Variants in PLIN2 observed in about 807,000 individuals in gnomAD.
PLIN2 encodes the protein perilipin 2.
PLIN2 carries 33 observed loss-of-function variants against 30.6 expected under a neutral mutation model. That is an observed-to-expected ratio of 1.08 (90% CI 0.82 to 1.44). PLIN2 has a LOEUF of 1.44. PLIN2 is among the 40% of genes most tolerant of loss of function. The probability of loss-of-function intolerance (pLI) is 0.00; values close to 1 mark genes in which losing one functional copy is unlikely to be tolerated. For synonymous variants in PLIN2, 205 were observed against 201.1 expected (o/e 1.02, Z -0.16); for missense variants, 610 against 531.8 (o/e 1.15, Z -1.45).
intron 2 of PLIN2, among the ~76,000 whole-genome samples, chr9:19,110,506 C>T (rs539421370): frequency 2.7e-4 from 41 of 152,212 alleles, no homozygotes; most frequent in Middle Eastern, 3.4e-3. Flanking sequence ...GAGATGGAGT[C>T]TCATTGTCAC....
chr9:19,121,857 A>T (rs1818322789), intron 4 of PLIN2, among the ~76,000 whole-genome samples: 1 of 152,166 alleles, frequency 6.6e-6, no homozygotes, highest in African/African-American at 2.4e-5. Flanking sequence ...CTTGAACCCC[A>T]GAGGTGGAGG....
chr9:19,109,900 G>A (rs977335455), intron 2 of PLIN2, among the ~76,000 whole-genome samples: 3 of 151,340 alleles, frequency 2.0e-5, no homozygotes, highest in Non-Finnish European at 4.4e-5. Flanking sequence ...AGGTTGCAGT[G>A]AGCCAAGATT....
intron 4 of PLIN2, 44 bp from the exon 5 acceptor site, chr9:19,121,209 G>C (rs1366641563): frequency 6.4e-7 from 1 of 1,573,146 alleles, no homozygotes; most frequent in Admixed American, 1.7e-5. Flanking sequence ...AGAAAAATGA[G>C]CACAAGGACA....
In PLIN2 at chr9:19,123,927, G is replaced by A. The variant is rs886948088; in HGVS notation, c.227-280C>T. 5.3e-5 allele frequency among the ~76,000 whole-genome samples: 8 copies of A among 151,308 alleles called. No individual in the cohort carries two copies. In the East Asian group the frequency reaches 1.4e-3, roughly 26 times the overall value. On this transcript the variant is annotated intron_variant, in intron 3 of 7. Coordinates refer to ENST00000276914, the MANE Select transcript of PLIN2 (RefSeq NM_001122.4). ...CCAGCTACTCAGGAGGCTGAGGCAG[G>A]AGAATCGCTTGAACTCAGGAAGCAG... is the stretch of plus-strand genomic sequence containing the variant.
downstream of PLIN2, among the ~76,000 whole-genome samples, chr9:19,115,111 AG>A (rs1408702186): frequency 1.3e-5 from 2 of 152,142 alleles, no homozygotes; most frequent in African/African-American, 4.8e-5. Context: ...ATTCCTTTTC[AG>A]TGAGGTAGTC....
intron 5 of PLIN2, among the ~76,000 whole-genome samples, chr9:19,120,647 T>A (rs962840519): frequency 5.9e-5 from 9 of 151,998 alleles, no homozygotes; most frequent in Non-Finnish European, 1.2e-4. Flanking sequence ...GAGTTCGAGA[T>A]CAGCCTGGGC....
downstream of PLIN2, among the ~76,000 whole-genome samples, chr9:19,112,102 A>C (rs1209997900): frequency 1.3e-5 from 2 of 152,218 alleles, no homozygotes; most frequent in Non-Finnish European, 2.9e-5. Context: ...CTGTTGAGGC[A>C]ACATTAACTT....
chr9:19,119,452 G>A lies in PLIN2; in HGVS notation c.777+198C>T, dbSNP rs1433845640. ...ATGTCAGTATTTGACCCCTCAGAGC[G>A]AGATTAGCATTGCTTCCTATATTTC... On this transcript the variant is annotated intron_variant, in intron 6 of 7. Transcript: ENST00000276914. Among the ~76,000 whole-genome samples, 4 of 152,184 alleles carry A rather than the reference G, an allele frequency of 2.6e-5. 1 individual carries two copies. Among genetic ancestry groups the A allele is most frequent in the Non-Finnish European group, 5.9e-5 (4 of 68,040 alleles).
rs777293203 is a variant in PLIN2 at position 19,116,456 on chromosome 9, C to T, written c.1106G>A (p.Ser369Asn). 13 of 1,614,096 alleles carry T rather than the reference C, an allele frequency of 8.1e-6. No individual in the cohort carries two copies. Among genetic ancestry groups the T allele is most frequent in the Non-Finnish European group, 1.1e-5 (13 of 1,179,960 alleles). Residue 369 changes from serine to asparagine, a missense_variant, in exon 8 of 8, where the codon AGC becomes AAC. Physicochemically the swap from Ser to Asn is conservative, Grantham distance 46. Coordinates refer to ENST00000276914, the MANE Select transcript of PLIN2 (RefSeq NM_001122.4). ...NAASFKEVSD[S>N]LLTSSKGQLQ... ...CTGCCCCTTGCTAGAAGTGAGGAGG[C>T]TGTCAGACACTTCTTTAAAGGAGGC...
chr9:19,113,463 G>T (rs1161662872), downstream of PLIN2, among the ~76,000 whole-genome samples: 2 of 151,926 alleles, frequency 1.3e-5, no homozygotes, highest in African/African-American at 4.8e-5. Flanking sequence ...GAAACCAGAA[G>T]CTCCTTATCT....
At chr9:19,112,727 T>G (rs965861207), downstream of PLIN2, among the ~76,000 whole-genome samples, 3 of 119,158 alleles carry the variant, frequency 2.5e-5, no homozygotes, top group Non-Finnish European at 3.6e-5. Context: ...AAAAAAAAAA[T>G]GCCAGAACAC....
At chr9:19,110,636 C>T (rs1286503573) in intron 2 of PLIN2, among the ~76,000 whole-genome samples, 1 of 151,204 alleles carries the variant, frequency 6.6e-6, no homozygotes, top group South Asian at 2.1e-4. Flanking sequence ...CCACCACACC[C>T]GGCTAATTTT....
At chr9:19,114,745 A>C (rs1475543407), downstream of PLIN2, among the ~76,000 whole-genome samples, 1 of 152,154 alleles carries the variant, frequency 6.6e-6, no homozygotes, top group Non-Finnish European at 1.5e-5. Flanking sequence ...AACTAGTTTG[A>C]CATATTTCAT....
At chr9:19,108,417 C>T (rs954179280) in exon 3 of PLIN2, 1 of 152,076 alleles carries the variant, frequency 6.6e-6, no homozygotes, top group African/African-American at 2.4e-5. Context: ...AGCAATTAAA[C>T]TTTAATTATA....
intron 4 of PLIN2, among the ~76,000 whole-genome samples, chr9:19,121,430 G>T (rs1282649813): frequency 6.7e-6 from 1 of 148,924 alleles, no homozygotes; most frequent in Non-Finnish European, 1.5e-5. Context: ...TGCCAAGGCT[G>T]CAGTGAGCTG....
chr9:19,118,625 C>A (rs940459207), intron 6 of PLIN2, among the ~76,000 whole-genome samples, 170 bp from the exon 7 acceptor site: 1 of 152,104 alleles, frequency 6.6e-6, no homozygotes, highest in Non-Finnish European at 1.5e-5. Context: ...GTAAATTAAC[C>A]AAGCAGTAGT....
intron 3 of PLIN2, 59 bp downstream of exon 3, chr9:19,126,055 G>T: frequency 2.1e-6 from 3 of 1,454,934 alleles, no homozygotes; most frequent in Non-Finnish European, 1.9e-6. Flanking sequence ...ACTGCTGTGA[G>T]CTCAGGGGCT....
chr9:19,122,108 CAAAAAAAAA>C lies in PLIN2; in HGVS notation c.310-952_310-944del, dbSNP rs59357707. On this transcript the variant is annotated intron_variant, in intron 4 of 7. Transcript: ENST00000276914. ...TGGGTGACAGAGCAAGACTCTGTCTCAAAAAAAAAAAAAAAAAAAAAAAAAAGAACACAA... is the reference window on the plus strand; with the variant it reads ...TGGGTGACAGAGCAAGACTCTGTCTCAAAAAAAAAAAAAAAAAGAACACAA... Among the ~76,000 whole-genome samples the C allele has an allele frequency of 1.0e-3, 66 of 63,352 alleles. 1 individual carries two copies. Among genetic ancestry groups the C allele is most frequent in the African/African-American group, 4.5e-3 (64 of 14,364 alleles). 41.6% of individuals were successfully genotyped at this position (63,352 alleles called of 152,430 possible). A position where few individuals can be genotyped will look rare whatever the true frequency, so the allele number is the denominator to read the frequency against.
chr9:19,123,366 T>TA (rs1213189698), intron 4 of PLIN2, 199 bp downstream of exon 4: 1 of 1,550,794 alleles, frequency 6.4e-7, no homozygotes, highest in Non-Finnish European at 8.7e-7. Flanking sequence ...CAAAGGAGGC[T>TA]AGTTCTTCTC....
Sources: allele counts gnomAD v4.1 joint callset (sites outside exome capture counted in the v4.1 genomes callset), GRCh38; gene constraint gnomAD v4.1.1; transcripts MANE v1.5; gene names NCBI Gene and HGNC (gene_info 2026-07-23, HGNC 2026-07-21).